The following NDUFA7 variants were observed in gnomAD, a reference collection of about 807,000 sequenced individuals.
NDUFA7 encodes the protein NADH:ubiquinone oxidoreductase subunit A7.
In NDUFA7, 18 loss-of-function variants were observed where a neutral mutation model predicts 14.2. The observed-to-expected ratio is 1.27, with a 90% CI of 0.88 to 1.88. NDUFA7 has a LOEUF of 1.88. Ranked by LOEUF, NDUFA7 falls within the 40% of genes most tolerant of loss-of-function variation. The pLI, the probability that NDUFA7 is intolerant of heterozygous loss-of-function variation, is 0.00. For synonymous variants in NDUFA7, 75 were observed against 62.1 expected (o/e 1.21, Z -0.98); for missense variants, 172 against 147.3 (o/e 1.17, Z -0.87).
intron 1 of NDUFA7, 192 bp downstream of exon 1, chr19:8,321,116 G>A: frequency 2.2e-6 from 2 of 889,324 alleles, no homozygotes; most frequent in Admixed American, 5.5e-5. Context: ...GGGGACTGGG[G>A]AAATCCCAGG....
At chr19:8,318,101 A>T (rs998861242) in intron 2 of NDUFA7, among the ~76,000 whole-genome samples, 2 of 152,148 alleles carry the variant, frequency 1.3e-5, no homozygotes, top group Non-Finnish European at 2.9e-5. Context: ...GTGGTGGCTC[A>T]TACCTTGGGA....
chr19:8,320,183 A>G (rs573558549), intron 2 of NDUFA7, among the ~76,000 whole-genome samples: 1 of 152,296 alleles, frequency 6.6e-6, no homozygotes, highest in Non-Finnish European at 1.5e-5. Flanking sequence ...TATTCTTTGA[A>G]TGGGTCCTTC....
chr19:8,312,128 C>T (rs1250186229), intron 3 of NDUFA7, among the ~76,000 whole-genome samples: 1 of 152,202 alleles, frequency 6.6e-6, no homozygotes, highest in Non-Finnish European at 1.5e-5. Flanking sequence ...AACTGCAAAA[C>T]GCATCTCTGG....
At chr19:8,310,960 C>T (rs1167375686), downstream of NDUFA7, among the ~76,000 whole-genome samples, 2 of 152,072 alleles carry the variant, frequency 1.3e-5, no homozygotes, top group Non-Finnish European at 2.9e-5. Flanking sequence ...GTTGCAGTGA[C>T]CTGAGATCGT....
chr19:8,317,420 C>T (rs555588814), intron 2 of NDUFA7, among the ~76,000 whole-genome samples: 1 of 152,118 alleles, frequency 6.6e-6, no homozygotes, highest in East Asian at 1.9e-4. Flanking sequence ...CAAAAATTAG[C>T]CAAGCATGGT....
intron 3 of NDUFA7, among the ~76,000 whole-genome samples, chr19:8,311,931 C>T (rs535613695): frequency 7.5e-4 from 115 of 152,332 alleles, no homozygotes; most frequent in African/African-American, 2.7e-3. Flanking sequence ...ATTCCTGCTG[C>T]CCCTCAAAAC....
At chr19:8,312,129 G>C (rs188812534) in intron 3 of NDUFA7, among the ~76,000 whole-genome samples, 28 of 152,262 alleles carry the variant, frequency 1.8e-4, no homozygotes, top group Admixed American at 6.5e-4. Context: ...ACTGCAAAAC[G>C]CATCTCTGGC....
At chr19:8,321,177 G>A (rs1462386287) in intron 1 of NDUFA7, 131 bp downstream of exon 1, 2 of 1,201,916 alleles carry the variant, frequency 1.7e-6, no homozygotes, top group Non-Finnish European at 2.3e-6. Flanking sequence ...GGGGTGACTA[G>A]CTGGGGGTTC....
rs778109662 is a variant in NDUFA7 at position 8,316,531 on chromosome 19, C to T, written c.216G>A (p.Ser72=). 3.5e-5 allele frequency: 57 copies of T among 1,613,802 alleles called. No individual in the cohort carries two copies. In the South Asian group the frequency reaches 3.8e-4, roughly 11 times the overall value. Residue 72 remains serine, a synonymous_variant, in exon 3 of 4, where the codon TCG becomes TCA. Transcript: ENST00000301457. The stretch of plus-strand genomic sequence containing the variant: ...GCTTGCCTGACACCAGCGCCTTCTG[C>T]GACGACATGATGATGGAAGGGGGCA... ...ESVPPSIIMS[S]QKALVSGKPA... is the part of the protein sequence containing the mutation.
At chr19:8,320,788 AAC>A in intron 2 of NDUFA7, 67 bp downstream of exon 2, 1 of 1,583,894 alleles carries the variant, frequency 6.3e-7, no homozygotes, top group Non-Finnish European at 8.7e-7. Context: ...GGTCTAAAGG[AAC>A]ACAGATTTCG....
Position 8,311,589 on chromosome 19 carries a change from A to G in NDUFA7, c.258T>C (p.Ala86=), listed in dbSNP as rs758656964. Residue 86 remains alanine, a synonymous_variant, in exon 4 of 4, where the codon GCT becomes GCC. Transcript: ENST00000301457. ...CCGCCTTCTTCTCAGTGGCAGCTAC[A>G]GCAGAGCTGGAGGAGGGAAAGACTT... ...LVSGKPAESS[A]VAATEKKAVT... is the part of the protein sequence containing the mutation. 1 of 1,612,066 alleles carries G rather than the reference A, an allele frequency of 6.2e-7. No individual in the cohort carries two copies. The highest frequency in any genetic ancestry group is 8.5e-7 in the Non-Finnish European group (1 of 1,179,118).
chr19:8,318,961 T>A (rs10403563), intron 2 of NDUFA7, among the ~76,000 whole-genome samples: 12 of 148,350 alleles, frequency 8.1e-5, no homozygotes, highest in African/African-American at 3.0e-4. Flanking sequence ...AGAGTGAGAC[T>A]CTGTCTCAAA....
At chr19:8,309,245 C>T (rs1182303537), downstream of NDUFA7, among the ~76,000 whole-genome samples, 12 of 152,160 alleles carry the variant, frequency 7.9e-5, no homozygotes, top group East Asian at 2.3e-3. Context: ...GAGGCCGAGG[C>T]AGGCGGATCA....
Position 8,311,590 on chromosome 19 carries a change from G to C in NDUFA7, c.257C>G (p.Ala86Gly). 1 of 1,612,090 alleles carries C rather than the reference G, an allele frequency of 6.2e-7. No homozygotes were observed. Among genetic ancestry groups the C allele is most frequent in the East Asian group, 2.2e-5 (1 of 44,738 alleles). ...CGCCTTCTTCTCAGTGGCAGCTACA[G>C]CAGAGCTGGAGGAGGGAAAGACTTC... ...LVSGKPAESS[A>G]VAATEKKAVT... The change falls in exon 4 of 4, where the codon GCT becomes GGT. Residue 86 changes from alanine (A) to glycine (G), a missense_variant. Ala to Gly is a moderately conservative substitution (Grantham distance 60). Transcript: ENST00000301457.
intron 3 of NDUFA7, among the ~76,000 whole-genome samples, chr19:8,315,013 T>G (rs1471818648): frequency 6.6e-6 from 1 of 152,214 alleles, no homozygotes; most frequent in Non-Finnish European, 1.5e-5. Flanking sequence ...ATGTGCTATG[T>G]CAACTCAGAG....
At chr19:8,308,646 C>T (rs1970136728), downstream of NDUFA7, 1 of 306,480 alleles carries the variant, frequency 3.3e-6, no homozygotes, top group Non-Finnish European at 6.0e-6. Context: ...TCAGGCACTC[C>T]GCATTTCCTC....
chr19:8,312,426 C>T (rs1190531055), intron 3 of NDUFA7, among the ~76,000 whole-genome samples: 1 of 152,212 alleles, frequency 6.6e-6, no homozygotes, highest in Non-Finnish European at 1.5e-5. Flanking sequence ...AGGTATCTTG[C>T]CACACTCTGG....
At chr19:8,308,629 ACGCC>A, downstream of NDUFA7, 5 of 341,732 alleles carry the variant, frequency 1.5e-5, no homozygotes, top group South Asian at 3.8e-5. Context: ...TATGGCAGCC[ACGCC>A]CCTCAGGCAC....
At position 8,311,619 on chromosome 19, in the gene NDUFA7, G is replaced by A. The variant is rs1970178917; in HGVS notation, c.252-24C>T. On this transcript the variant is annotated intron_variant, in intron 3 of 3. Coordinates refer to ENST00000301457, the MANE Select transcript of NDUFA7 (RefSeq NM_005001.5). ...AGCTGGAGGAGGGAAAGACTTCAGTGAGGGTTTCCAAAGAACAGTGTGGAA... is the reference window on the plus strand; with the variant it reads ...AGCTGGAGGAGGGAAAGACTTCAGTAAGGGTTTCCAAAGAACAGTGTGGAA... 4 of 1,595,726 alleles carry A rather than the reference G, an allele frequency of 2.5e-6. No individual in the cohort carries two copies. In the African/African-American group the frequency reaches 5.4e-5, roughly 21 times the overall value.
Sources: gnomAD v4.1 joint callset for allele counts (sites outside exome capture counted in the v4.1 genomes callset) on GRCh38, gnomAD v4.1.1 for gene constraint, MANE v1.5 for transcripts, NCBI Gene and HGNC (gene_info 2026-07-23, HGNC 2026-07-21) for gene names.